ERG: variants seen among roughly 807,000 people sequenced by gnomAD.
ERG encodes ETS transcription factor ERG.
A neutral mutation model predicts 55.3 loss-of-function variants in ERG; 9 were observed. That is an observed-to-expected ratio of 0.16 (90% CI 0.10 to 0.28). ERG has a LOEUF of 0.28. Among genes scored for constraint, ERG ranks in the 10% least tolerant of loss-of-function variants. ERG has a pLI of 1.00. For missense variants in ERG, 434 were observed against 631.6 expected (o/e 0.69, Z 3.35); for synonymous variants, 223 against 237.3 (o/e 0.94, Z 0.55).
intron 3 of ERG, among the ~76,000 whole-genome samples, chr21:38,421,953 A>T (rs1239729843): frequency 6.6e-6 from 1 of 152,226 alleles, no homozygotes; most frequent in Non-Finnish European, 1.5e-5. Flanking sequence ...CTCTGGTTCA[A>T]GCGATTCTCC....
intron 2 of ERG, among the ~76,000 whole-genome samples, chr21:38,436,762 T>C (rs1180104755): frequency 2.6e-5 from 4 of 152,156 alleles, no homozygotes; most frequent in African/African-American, 9.7e-5. Context: ...CCAGGTAGAG[T>C]TGATGGTACC....
chr21:38,590,354 T>C (rs9789883), intron 1 of ERG, among the ~76,000 whole-genome samples: 60,770 of 151,860 alleles, frequency 0.4, 12,868 homozygotes, highest in Middle Eastern at 0.57. Context: ...GTGGAGGAAA[T>C]AGATGAGGAG....
At chr21:38,509,820 TA>T (rs2059497505) in intron 2 of ERG, among the ~76,000 whole-genome samples, 1 of 152,224 alleles carries the variant, frequency 6.6e-6, no homozygotes, top group Admixed American at 6.5e-5. Context: ...CTTGAGTTAC[TA>T]AAGAGAAAAG....
intron 1 of ERG, among the ~76,000 whole-genome samples, chr21:38,648,135 T>G (rs1169254140): frequency 6.6e-6 from 1 of 152,226 alleles, no homozygotes; most frequent in African/African-American, 2.4e-5. Context: ...TTTTTTAAAT[T>G]TTTTACTTGC....
At position 38,553,953 on chromosome 21, in the gene ERG, G is replaced by C. The variant is rs573945268; in HGVS notation, c.-41+21709C>G. On this transcript the variant is annotated intron_variant, in intron 2 of 8. Transcript: ENST00000398897. ...GCATCCAACAAAGGTCTAATATGCA[G>C]AATCTATAAAAAAAAACTTAAGCAA... Among the ~76,000 whole-genome samples the C allele has an allele frequency of 9.3e-5, 14 of 149,898 alleles. No homozygotes were observed. In the South Asian group the frequency reaches 2.6e-3, roughly 28 times the overall value.
chr21:38,589,335 CA>C (rs997248684), upstream of ERG, among the ~76,000 whole-genome samples: 1 of 152,220 alleles, frequency 6.6e-6, no homozygotes, highest in African/African-American at 2.4e-5. Context: ...AGCCACAGAG[CA>C]GCCTGCTTTT....
intron 1 of ERG, among the ~76,000 whole-genome samples, chr21:38,641,462 C>A (rs2060424607): frequency 6.6e-6 from 1 of 152,188 alleles, no homozygotes; most frequent in Admixed American, 6.5e-5. Context: ...GTTATAGCAG[C>A]CTGAATGAAC....
chr21:38,615,120 C>T (rs1206803576), intron 1 of ERG, among the ~76,000 whole-genome samples: 2 of 152,182 alleles, frequency 1.3e-5, no homozygotes, highest in Non-Finnish European at 2.9e-5. Flanking sequence ...CTTAGAGACA[C>T]TATTATTCAG....
intron 3 of ERG, among the ~76,000 whole-genome samples, chr21:38,409,154 G>A (rs1426239458): frequency 1.3e-5 from 2 of 152,092 alleles, no homozygotes; most frequent in East Asian, 3.9e-4. Context: ...CACTGAGAGA[G>A]GCAGCTTATG....
chr21:38,542,200 G>A (rs908773283), intron 2 of ERG, among the ~76,000 whole-genome samples: 1 of 152,086 alleles, frequency 6.6e-6, no homozygotes, highest in Non-Finnish European at 1.5e-5. Context: ...GTGTTGGCCA[G>A]GCTGGTCTCG....
intron 2 of ERG, among the ~76,000 whole-genome samples, chr21:38,527,024 G>C (rs1045910153): frequency 6.6e-6 from 1 of 152,120 alleles, no homozygotes; most frequent in Non-Finnish European, 1.5e-5. Flanking sequence ...CCTAAGAAGG[G>C]ACTGAATACG....
chr21:38,498,192 T>C lies in ERG; in HGVS notation c.18+171A>G, dbSNP rs1265920095. On this transcript the variant is annotated intron_variant, in intron 1 of 9. Transcript: ENST00000288319. The surrounding 1 kb of genome is among the most constrained non-coding windows in gnomAD (Gnocchi z 4.6). Reference sequence around the variant, plus strand: ...TGAAGTTTTTAAGCCTTGCGGATGGTTGGAGTAGGAAAAAGGAAATTTACT... The same window carrying C: ...TGAAGTTTTTAAGCCTTGCGGATGGCTGGAGTAGGAAAAAGGAAATTTACT... Among the ~76,000 whole-genome samples, 1 of 152,148 alleles carries C rather than the reference T, an allele frequency of 6.6e-6. No homozygotes were observed. Among genetic ancestry groups the C allele is most frequent in the Non-Finnish European group, 1.5e-5 (1 of 68,018 alleles).
chr21:38,647,868 A>G (rs565240603), intron 1 of ERG, among the ~76,000 whole-genome samples: 1 of 152,364 alleles, frequency 6.6e-6, no homozygotes, highest in Admixed American at 6.5e-5. Flanking sequence ...AAATAAAACC[A>G]CTGAAAAAGC....
intron 1 of ERG, among the ~76,000 whole-genome samples, chr21:38,496,831 C>CTGTCTG (rs2059383586): frequency 6.6e-6 from 1 of 152,044 alleles, no homozygotes; most frequent in Non-Finnish European, 1.5e-5. Flanking sequence ...TTTCAATGTC[C>CTGTCTG]TTTTTAATGC....
intron 1 of ERG, among the ~76,000 whole-genome samples, chr21:38,653,119 C>T (rs752335937): frequency 7.2e-5 from 11 of 152,154 alleles, no homozygotes; most frequent in Non-Finnish European, 1.5e-4. Context: ...AATGTCTGCC[C>T]CAATTCCATG....
chr21:38,607,723 T>G (rs1176098562), intron 1 of ERG, among the ~76,000 whole-genome samples: 1 of 151,912 alleles, frequency 6.6e-6, no homozygotes, highest in African/African-American at 2.4e-5. Flanking sequence ...AAATTATGAG[T>G]TGATAAATCA....
At chr21:38,623,320 A>G (rs1302991481) in intron 1 of ERG, among the ~76,000 whole-genome samples, 1 of 98,182 alleles carries the variant, frequency 1.0e-5, no homozygotes, top group African/African-American at 3.8e-5. Flanking sequence ...CCACATACGC[A>G]CCACACACAC....
intron 3 of ERG, among the ~76,000 whole-genome samples, chr21:38,413,095 T>C: frequency 6.6e-6 from 1 of 152,192 alleles, no homozygotes; most frequent in Non-Finnish European, 1.5e-5. Flanking sequence ...TTTCATTCCT[T>C]GCCCCTAGTT....
intron 1 of ERG, among the ~76,000 whole-genome samples, chr21:38,577,560 C>T (rs1276102723): frequency 1.3e-5 from 2 of 152,086 alleles, no homozygotes; most frequent in Non-Finnish European, 2.9e-5. Context: ...GGTGACCAGG[C>T]TCCTGGTGCT....
Sources: allele counts gnomAD v4.1 joint callset (sites outside exome capture counted in the v4.1 genomes callset), GRCh38; gene constraint gnomAD v4.1.1; non-coding constraint Gnocchi (gnomAD v3.1); transcripts MANE v1.5; gene names NCBI Gene and HGNC (gene_info 2026-07-23, HGNC 2026-07-21).